The following TBC1D5 variants were observed in gnomAD, a reference collection of about 807,000 sequenced individuals.
TBC1D5 encodes the protein TBC1 domain family, member 5.
In TBC1D5, 75 loss-of-function variants were observed where a neutral mutation model predicts 100.3. That is an observed-to-expected ratio of 0.75 (90% CI 0.62 to 0.91). The LOEUF is 0.91. TBC1D5 is among the 40% of genes least tolerant of loss of function. TBC1D5 has a pLI of 0.00. For synonymous variants in TBC1D5, 323 were observed against 325.6 expected (o/e 0.99, Z 0.09); for missense variants, 910 against 942.4 (o/e 0.97, Z 0.45).
chr3:17,737,032 A>G (rs1408536203), intron 1 of TBC1D5, among the ~76,000 whole-genome samples: 2 of 151,990 alleles, frequency 1.3e-5, no homozygotes, highest in Non-Finnish European at 2.9e-5. Context: ...AAAAGACAAA[A>G]AAAACACTTC....
intron 14 of TBC1D5, among the ~76,000 whole-genome samples, chr3:17,294,358 G>A (rs1045156672): frequency 2.6e-5 from 4 of 152,064 alleles, no homozygotes; most frequent in African/African-American, 4.8e-5. Context: ...TAGCTATTAC[G>A]GACTAGAGAA....
intron 3 of TBC1D5, among the ~76,000 whole-genome samples, chr3:17,437,398 C>T (rs999748045): frequency 2.0e-5 from 3 of 151,974 alleles, no homozygotes; most frequent in East Asian, 1.9e-4. Context: ...TACCTGATGT[C>T]GTAGAAATAT....
chr3:17,477,638 T>A (rs752732063), intron 3 of TBC1D5, among the ~76,000 whole-genome samples: 6 of 152,040 alleles, frequency 3.9e-5, no homozygotes, highest in Non-Finnish European at 5.9e-5. Flanking sequence ...AATAACCAAC[T>A]TTTCTCATTT....
At chr3:17,324,929 A>G (rs2085897999) in intron 13 of TBC1D5, among the ~76,000 whole-genome samples, 1 of 152,216 alleles carries the variant, frequency 6.6e-6, no homozygotes, top group Non-Finnish European at 1.5e-5. Context: ...CTTTTTAAGA[A>G]ATGACAAAAC....
chr3:17,706,273 TAA>T (rs2074151480), intron 1 of TBC1D5: 1 of 1,546,658 alleles, frequency 6.5e-7, no homozygotes, highest in Non-Finnish European at 8.7e-7. Flanking sequence ...TACTCAGCTC[TAA>T]AGAGTTGAAC....
At chr3:17,442,403 G>A (rs2094683931) in intron 3 of TBC1D5, among the ~76,000 whole-genome samples, 1 of 152,196 alleles carries the variant, frequency 6.6e-6, no homozygotes, top group Admixed American at 6.5e-5. Flanking sequence ...AGTGAGTGGA[G>A]AACCCCAATT....
exon 7 of TBC1D5, chr3:17,404,695 C>A: frequency 6.2e-7 from 1 of 1,603,020 alleles, no homozygotes; most frequent in South Asian, 1.1e-5. Context: ...GAACTTTACC[C>A]CTTCATCCTG....
At chr3:17,595,083 T>C (rs776498853) in intron 2 of TBC1D5, among the ~76,000 whole-genome samples, 1 of 152,170 alleles carries the variant, frequency 6.6e-6, no homozygotes, top group Non-Finnish European at 1.5e-5. Context: ...AGCCTACATC[T>C]TTCTCTCGTG....
chr3:17,399,639 G>A (rs750804334), intron 8 of TBC1D5, among the ~76,000 whole-genome samples: 29 of 151,932 alleles, frequency 1.9e-4, no homozygotes, highest in Non-Finnish European at 3.5e-4. Context: ...ATCTTTGTAG[G>A]TATCATGCCA....
chr3:17,184,696 T>TA (rs879547796), intron 19 of TBC1D5: 62 of 146,184 alleles, frequency 4.2e-4, no homozygotes, highest in Admixed American at 6.1e-4. Flanking sequence ...CCCAGCTAAT[T>TA]AAAAAAAAAA....
chr3:17,499,907 A>G (rs976872146), intron 3 of TBC1D5, among the ~76,000 whole-genome samples: 1 of 148,938 alleles, frequency 6.7e-6, no homozygotes, highest in African/African-American at 2.6e-5. Context: ...CCACCACACA[A>G]CCTCCCATGT....
intron 1 of TBC1D5, among the ~76,000 whole-genome samples, chr3:17,734,817 G>A (rs2076834215): frequency 6.6e-6 from 1 of 152,174 alleles, no homozygotes; most frequent in African/African-American, 2.4e-5. Flanking sequence ...CAGGCGTGGT[G>A]GCTCACAAAT....
At chr3:17,445,970 G>A (rs2094783330) in intron 3 of TBC1D5, among the ~76,000 whole-genome samples, 4 of 152,298 alleles carry the variant, frequency 2.6e-5, no homozygotes, top group African/African-American at 7.2e-5. Flanking sequence ...AAGGATCCTG[G>A]AGTCAGGGCT....
intron 2 of TBC1D5, among the ~76,000 whole-genome samples, chr3:17,604,984 G>A (rs1174183893): frequency 6.6e-6 from 1 of 152,132 alleles, no homozygotes; most frequent in Non-Finnish European, 1.5e-5. Context: ...CCAGATCCAT[G>A]ATATTTTGAA....
At chr3:17,476,120 ATCTTT>A (rs371752642) in intron 3 of TBC1D5, among the ~76,000 whole-genome samples, 10 of 151,726 alleles carry the variant, frequency 6.6e-5, no homozygotes, top group African/African-American at 2.4e-4. Flanking sequence ...GTATATTATC[ATCTTT>A]TCTTAGACTG....
At chr3:17,612,736 C>A (rs1001501154) in intron 2 of TBC1D5, among the ~76,000 whole-genome samples, 2 of 151,750 alleles carry the variant, frequency 1.3e-5, no homozygotes, top group African/African-American at 2.4e-5. Context: ...TGAGGGAATA[C>A]CTGGGAAATC....
chr3:17,588,102 T>C (rs2096743738), intron 2 of TBC1D5, among the ~76,000 whole-genome samples: 1 of 152,104 alleles, frequency 6.6e-6, no homozygotes, highest in African/African-American at 2.4e-5. Flanking sequence ...TAATGTGTTT[T>C]ATTTCTAAAT....
intron 3 of TBC1D5, among the ~76,000 whole-genome samples, chr3:17,453,671 G>A (rs2094982041): frequency 6.6e-6 from 1 of 152,042 alleles, no homozygotes; most frequent in Admixed American, 6.5e-5. Flanking sequence ...CTTTACTGCT[G>A]AATTCTACCA....
intron 13 of TBC1D5, among the ~76,000 whole-genome samples, chr3:17,320,554 A>C (rs2085284224): frequency 6.6e-6 from 1 of 152,198 alleles, no homozygotes. Flanking sequence ...CTTTCCCAGA[A>C]AGAAATTTTA....
Sources: allele counts gnomAD v4.1 joint callset (sites outside exome capture counted in the v4.1 genomes callset), GRCh38; gene constraint gnomAD v4.1.1; transcripts MANE v1.5; gene names NCBI Gene and HGNC (gene_info 2026-07-23, HGNC 2026-07-21).